Variants in SYNE1 observed in about 807,000 individuals in gnomAD.
SYNE1 encodes the protein spectrin repeat containing nuclear envelope protein 1.
Under a neutral mutation model 1,111.0 loss-of-function variants are expected in SYNE1, and 616 were observed. That is an observed-to-expected ratio of 0.55 (90% CI 0.52 to 0.59). The LOEUF (loss-of-function observed/expected upper bound fraction) is 0.59. SYNE1 is among the 20% of genes least tolerant of loss of function. The pLI is 0.00. For missense variants in SYNE1, 10,006 were observed against 10,417.0 expected, an observed-to-expected ratio of 0.96 and a Z score of 1.72; for synonymous variants, 3,855 against 3,825.8, an observed-to-expected ratio of 1.01 and a Z score of -0.28.
intron 96 of SYNE1, among the ~76,000 whole-genome samples, chr6:152,282,565 C>T (rs1370370827): frequency 1.3e-5 from 2 of 151,888 alleles, no homozygotes; most frequent in African/African-American, 2.4e-5. Context: ...AAAAAATCGA[C>T]GTCAATCGCT....
At chr6:152,628,233 T>A (rs746708480) in intron 3 of SYNE1, 32 bp downstream of exon 3, 2 of 1,612,356 alleles carry the variant, frequency 1.2e-6, no homozygotes, top group Non-Finnish European at 1.7e-6. Flanking sequence ...GGTATTTGAA[T>A]TTTTTTAAAA....
At position 152,455,610 on chromosome 6, in the gene SYNE1, A is replaced by ATGATGTGAAAAACAATCT; in HGVS notation, c.2728-21_2728-20insAGATTGTTTTTCACATCA. 1 of 1,613,992 alleles carries ATGATGTGAAAAACAATCT rather than the reference A, an allele frequency of 6.2e-7. No individual in the cohort carries two copies. Among genetic ancestry groups the ATGATGTGAAAAACAATCT allele is most frequent in the Admixed American group, 1.7e-5 (1 of 60,022 alleles). ...CATACTCTTGATGTGAAAAACAATC[A>ATGATGTGAAAAACAATCT]TAATGTGATGCTGCTTTCTCATTAC... On this transcript the variant is annotated intron_variant, in intron 23 of 145. Transcript: ENST00000367255.
rs372683623 is a variant in SYNE1 at position 152,265,646 on chromosome 6, C to T, written c.18815+2410G>A. ...ATAGTCTTACATTTAATCATTGACA[C>T]ACGTACAACACCAGTAGCAAACCTT... On this transcript the variant is annotated intron_variant, in intron 100 of 145. Coordinates refer to ENST00000367255, the MANE Select transcript of SYNE1 (RefSeq NM_182961.4). Among the ~76,000 whole-genome samples the T allele has an allele frequency of 2.6e-5, 4 of 152,210 alleles. No individual in the cohort carries two copies. The East Asian group carries it at 7.7e-4, about 29-fold the overall frequency.
At chr6:152,346,634 C>T (rs555537123) in intron 73 of SYNE1, among the ~76,000 whole-genome samples, 4 of 152,060 alleles carry the variant, frequency 2.6e-5, no homozygotes, top group African/African-American at 9.6e-5. Context: ...CACGGTGAAA[C>T]CCCGTCTCTA....
intron 79 of SYNE1, 69 bp from the exon 80 acceptor site, chr6:152,326,171 C>T: frequency 1.2e-6 from 2 of 1,612,902 alleles, no homozygotes; most frequent in Middle Eastern, 1.7e-4. Flanking sequence ...GCTCTGGTGT[C>T]AGTATGTCTA....
At chr6:152,236,376 G>A in intron 109 of SYNE1, 73 bp from the exon 110 acceptor site, 4 of 1,098,830 alleles carry the variant, frequency 3.6e-6, no homozygotes, top group African/African-American at 3.1e-5. Context: ...AATTTCTCTG[G>A]TACCTACAAT....
intron 128 of SYNE1, among the ~76,000 whole-genome samples, 174 bp from the exon 129 acceptor site, chr6:152,180,468 C>G (rs1174991706): frequency 6.6e-6 from 1 of 152,178 alleles, no homozygotes; most frequent in Non-Finnish European, 1.5e-5. Context: ...ATTGAATCCT[C>G]TAGTTCTTTC....
At chr6:152,420,627 A>G (rs1412783557) in intron 39 of SYNE1, among the ~76,000 whole-genome samples, 3 of 152,114 alleles carry the variant, frequency 2.0e-5, no homozygotes, top group Non-Finnish European at 4.4e-5. Context: ...CTCAAAAGAA[A>G]AAACTTCCAG....
In SYNE1 at chr6:152,310,487, T is replaced by C. The variant is rs144714939; in HGVS notation, c.16928A>G (p.Lys5643Arg). The change falls in exon 89 of 146, where the codon AAG becomes AGG. Residue 5643 changes from lysine (K) to arginine (R), a missense_variant. Transcript: ENST00000367255. ...GGCTTGCTCCAAGGCAGCTTGTAAC[T>C]TTTTCAACTCTGCTTCAAATTTTTT... ...DMKKFEAELK[K>R]LQAALEQAQA... 5.6e-6 allele frequency: 9 copies of C among 1,614,118 alleles called. No individual in the cohort carries two copies. In the African/African-American group the frequency reaches 1.2e-4, roughly 22 times the overall value.
intron 145 of SYNE1, 63 bp from the exon 146 acceptor site, chr6:152,122,739 G>A (rs1483411606): frequency 3.7e-6 from 6 of 1,607,584 alleles, no homozygotes; most frequent in Non-Finnish European, 5.1e-6. Context: ...GCTGCTTTTT[G>A]CCTCTGCACC....
intron 127 of SYNE1, among the ~76,000 whole-genome samples, chr6:152,198,045 A>G (rs1241277995): frequency 2.0e-5 from 3 of 151,216 alleles, no homozygotes; most frequent in Non-Finnish European, 4.4e-5. Context: ...AAGGAAGGTT[A>G]AAAGGAAAGA....
intron 73 of SYNE1, among the ~76,000 whole-genome samples, chr6:152,344,919 G>C (rs1394157193): frequency 5.3e-5 from 8 of 152,060 alleles, no homozygotes; most frequent in Admixed American, 5.2e-4. Context: ...AATATATCTG[G>C]GATGTTTCCA....
chr6:152,326,131 G>A (rs2096060999), intron 79 of SYNE1, 29 bp from the exon 80 acceptor site: 1 of 1,614,078 alleles, frequency 6.2e-7, no homozygotes, highest in Non-Finnish European at 8.5e-7. Flanking sequence ...AAACTGATAA[G>A]TAGCACGAAA....
intron 100 of SYNE1, among the ~76,000 whole-genome samples, chr6:152,267,306 CT>C (rs560312568): frequency 7.4e-5 from 11 of 149,334 alleles, no homozygotes; most frequent in Admixed American, 2.0e-4. Flanking sequence ...TGCATGAAAA[CT>C]TTTTTTTTTA....
intron 116 of SYNE1, 66 bp downstream of exon 116, chr6:152,225,655 A>G: frequency 1.9e-6 from 3 of 1,607,134 alleles, no homozygotes; most frequent in Non-Finnish European, 2.6e-6. Flanking sequence ...AGGAAAACCA[A>G]AACCCAGAGT....
chr6:152,485,917 C>T (rs992902702), intron 12 of SYNE1, among the ~76,000 whole-genome samples: 2 of 152,128 alleles, frequency 1.3e-5, no homozygotes, highest in Non-Finnish European at 2.9e-5. Context: ...AAAACATAGG[C>T]TGGGCACGGT....
intron 66 of SYNE1, among the ~76,000 whole-genome samples, chr6:152,356,435 A>G (rs1448633044): frequency 6.7e-6 from 1 of 148,510 alleles, no homozygotes; most frequent in Non-Finnish European, 1.5e-5. Context: ...AAAATAGTTC[A>G]ATATTTAAAT....
At chr6:152,623,020 A>C (rs1030216375) in intron 3 of SYNE1, among the ~76,000 whole-genome samples, 3 of 151,996 alleles carry the variant, frequency 2.0e-5, no homozygotes, top group African/African-American at 7.2e-5. Context: ...AGTGATGCTG[A>C]GCTTTTTTTC....
chr6:152,605,100 G>A (rs1003956696), intron 3 of SYNE1, among the ~76,000 whole-genome samples: 1 of 136,946 alleles, frequency 7.3e-6, no homozygotes, highest in Non-Finnish European at 1.6e-5. Context: ...AAGGAAGGAA[G>A]GAAGGAAGGA....
Sources: allele counts gnomAD v4.1 joint callset (sites outside exome capture counted in the v4.1 genomes callset), GRCh38; gene constraint gnomAD v4.1.1; transcripts MANE v1.5; gene names NCBI Gene and HGNC (gene_info 2026-07-23, HGNC 2026-07-21).